Variants in NELL1 observed in about 807,000 individuals in gnomAD.
NELL1 encodes the protein neural EGFL like 1.
NELL1 carries 76 observed loss-of-function variants against 107.4 expected under a neutral mutation model. That is an observed-to-expected ratio of 0.71 (90% CI 0.59 to 0.86). The LOEUF (loss-of-function observed/expected upper bound fraction) is 0.86. Among genes scored for constraint, NELL1 ranks in the 40% least tolerant of loss-of-function variants. The pLI is 0.00. For synonymous variants in NELL1, 353 were observed against 341.2 expected, an observed-to-expected ratio of 1.03 and a Z score of -0.38; for missense variants, 1,024 against 1,005.5, an observed-to-expected ratio of 1.02 and a Z score of -0.25.
At chr11:20,713,154 T>A (rs1395600631) in intron 2 of NELL1, among the ~76,000 whole-genome samples, 2 of 152,126 alleles carry the variant, frequency 1.3e-5, no homozygotes, top group African/African-American at 4.8e-5. Context: ...TAGGGGGATA[T>A]AAGCTTGCCC....
chr11:20,809,894 G>A (rs958369488), intron 3 of NELL1, among the ~76,000 whole-genome samples: 1 of 152,108 alleles, frequency 6.6e-6, no homozygotes, highest in African/African-American at 2.4e-5. Flanking sequence ...CGGGATTGCC[G>A]GATCATATGG....
intron 2 of NELL1, among the ~76,000 whole-genome samples, chr11:20,755,550 G>GTTTTTTTTTTTT (rs1226891368): frequency 3.5e-5 from 4 of 114,568 alleles, no homozygotes; most frequent in African/African-American, 1.8e-4. Context: ...GTTTTTTTTT[G>GTTTTTTTTTTTT]TTTTTGTTTT....
intron 15 of NELL1, among the ~76,000 whole-genome samples, chr11:21,419,638 T>C (rs1218194082): frequency 6.6e-6 from 1 of 151,418 alleles, no homozygotes; most frequent in East Asian, 1.9e-4. Flanking sequence ...ATTAGCTTAA[T>C]GCACTATTTA....
chr11:20,721,486 G>T (rs1855387773), intron 2 of NELL1, among the ~76,000 whole-genome samples: 1 of 152,028 alleles, frequency 6.6e-6, no homozygotes, highest in African/African-American at 2.4e-5. Context: ...TGTTGCTGTG[G>T]CAAATTGTGG....
At chr11:21,219,391 C>T (rs1011555065) in intron 13 of NELL1, among the ~76,000 whole-genome samples, 6 of 152,140 alleles carry the variant, frequency 3.9e-5, no homozygotes, top group Admixed American at 2.0e-4. Flanking sequence ...AATCCCTTGT[C>T]ACATGATAGC....
chr11:20,973,245 A>G (rs953197989), intron 12 of NELL1, among the ~76,000 whole-genome samples: 1 of 150,890 alleles, frequency 6.6e-6, no homozygotes, highest in Non-Finnish European at 1.5e-5. Context: ...AGTAGCTGGG[A>G]TTATAGGCAT....
At chr11:20,909,608 C>G (rs963285200) in intron 5 of NELL1, among the ~76,000 whole-genome samples, 1 of 151,230 alleles carries the variant, frequency 6.6e-6, no homozygotes, top group Admixed American at 6.6e-5. Flanking sequence ...TGAAGTTACT[C>G]TCTTGCTTAA....
Position 20,967,242 on chromosome 11 carries a change from CAAG to C in NELL1, c.1300+6684_1300+6686del, listed in dbSNP as rs545140011. Among the ~76,000 whole-genome samples, 609 of 152,186 alleles carry C rather than the reference CAAG, an allele frequency of 4.0e-3. 4 individuals are homozygous for C. Among genetic ancestry groups the C allele is most frequent in the Non-Finnish European group, 6.9e-3 (466 of 67,998 alleles). Reference sequence around the variant, plus strand: ...TCGTGTGAATGAACTTCTGTGGAAACAAGACCCTGCAAATTCTTAGTTAAGAGA... The same window carrying C: ...TCGTGTGAATGAACTTCTGTGGAAACACCCTGCAAATTCTTAGTTAAGAGA... On this transcript the variant is annotated intron_variant, in intron 12 of 19. Coordinates refer to ENST00000357134, the MANE Select transcript of NELL1 (RefSeq NM_006157.5).
At chr11:21,253,068 A>G (rs1565131816) in intron 14 of NELL1, among the ~76,000 whole-genome samples, 1 of 152,246 alleles carries the variant, frequency 6.6e-6, no homozygotes, top group Non-Finnish European at 1.5e-5. Flanking sequence ...AGGGTTATCA[A>G]GAAATGGTGG....
chr11:20,776,640 A>G (rs1273191029), intron 2 of NELL1, among the ~76,000 whole-genome samples: 2 of 152,064 alleles, frequency 1.3e-5, no homozygotes, highest in African/African-American at 2.4e-5. Flanking sequence ...TTAAACTGTT[A>G]TCAGAAAAGG....
intron 2 of NELL1, among the ~76,000 whole-genome samples, chr11:20,735,176 G>C (rs1012961376): frequency 6.6e-6 from 1 of 152,182 alleles, no homozygotes; most frequent in Non-Finnish European, 1.5e-5. Flanking sequence ...GTGGTGAGCA[G>C]TCGGGTCAAA....
At chr11:21,188,485 CT>C (rs200632192) in intron 13 of NELL1, among the ~76,000 whole-genome samples, 1 of 92,126 alleles carries the variant, frequency 1.1e-5, no homozygotes, top group Non-Finnish European at 3.3e-5. Context: ...GGCCCTATGG[CT>C]TTTTTCTCTC....
intron 12 of NELL1, among the ~76,000 whole-genome samples, chr11:21,096,863 A>G (rs1454064228): frequency 1.3e-5 from 2 of 151,954 alleles, no homozygotes; most frequent in African/African-American, 4.8e-5. Context: ...GGTACACGCC[A>G]CCACACCTGG....
At chr11:21,169,881 C>A in intron 13 of NELL1, 1 of 1,413,938 alleles carries the variant, frequency 7.1e-7, no homozygotes, top group Admixed American at 1.7e-5. Flanking sequence ...TGTCACCCAG[C>A]ACTGGCAGAT....
chr11:21,394,391 C>A (rs1851939630), intron 15 of NELL1, among the ~76,000 whole-genome samples: 1 of 151,196 alleles, frequency 6.6e-6, no homozygotes, highest in Admixed American at 6.6e-5. Context: ...GGTATATATA[C>A]ACATAAATGT....
chr11:20,835,765 A>G (rs1848523961), intron 3 of NELL1, among the ~76,000 whole-genome samples: 1 of 152,242 alleles, frequency 6.6e-6, no homozygotes, highest in Non-Finnish European at 1.5e-5. Context: ...TATGCCTTTT[A>G]CATAAATTAA....
At chr11:21,004,255 G>A (rs1004495288) in intron 12 of NELL1, among the ~76,000 whole-genome samples, 4 of 152,120 alleles carry the variant, frequency 2.6e-5, no homozygotes, top group African/African-American at 9.7e-5. Flanking sequence ...GTACTGGCAT[G>A]TAGTAGATGT....
chr11:21,422,117 G>A (rs1852691762), intron 15 of NELL1, among the ~76,000 whole-genome samples: 1 of 148,414 alleles, frequency 6.7e-6, no homozygotes, highest in Non-Finnish European at 1.5e-5. Flanking sequence ...GTGTGTGTGT[G>A]TGTGTGTACA....
intron 11 of NELL1, among the ~76,000 whole-genome samples, chr11:20,957,381 GT>G (rs1448720356): frequency 6.6e-6 from 1 of 152,178 alleles, no homozygotes; most frequent in Non-Finnish European, 1.5e-5. Flanking sequence ...GTCATCTTGG[GT>G]TGATAGTTCC....
Sources: gnomAD v4.1 joint callset for allele counts (sites outside exome capture counted in the v4.1 genomes callset) on GRCh38, gnomAD v4.1.1 for gene constraint, MANE v1.5 for transcripts, NCBI Gene and HGNC (gene_info 2026-07-23, HGNC 2026-07-21) for gene names.